The following FOXP2 variants were observed in gnomAD, a reference collection of about 807,000 sequenced individuals.
FOXP2 encodes the protein forkhead box P2.
In FOXP2, 12 loss-of-function variants were observed where a neutral mutation model predicts 115.8. That is an observed-to-expected ratio of 0.10 (90% CI 0.07 to 0.17). The LOEUF (loss-of-function observed/expected upper bound fraction) is 0.17. Among genes scored for constraint, FOXP2 ranks in the 10% least tolerant of loss-of-function variants. FOXP2 has a pLI of 1.00. For synonymous variants in FOXP2, 328 were observed against 297.7 expected (o/e 1.10, Z -1.05); for missense variants, 629 against 843.5 (o/e 0.75, Z 3.15).
chr7:114,329,644 TTTTATTTATTTATTTATTTATTTATTTA>T (rs138684494), intron 2 of FOXP2, among the ~76,000 whole-genome samples: 1 of 147,450 alleles, frequency 6.8e-6, no homozygotes, highest in Non-Finnish European at 1.5e-5. Flanking sequence ...ACTATGTAAG[TTTTATTTATTTATTTATTTATTTATTTA>T]TTTATTTATT....
At chr7:114,643,755 T>A (rs375951351) in intron 7 of FOXP2, among the ~76,000 whole-genome samples, 3 of 152,172 alleles carry the variant, frequency 2.0e-5, no homozygotes, top group African/African-American at 7.2e-5. Context: ...TTTTGAAAGA[T>A]GAAATGTAAG....
chr7:114,685,564 T>C (rs1276973515), intron 16 of FOXP2, among the ~76,000 whole-genome samples: 5 of 152,140 alleles, frequency 3.3e-5, no homozygotes, highest in Non-Finnish European at 7.4e-5. Flanking sequence ...AATAATGGCG[T>C]TATAATGGCC....
chr7:114,338,135 A>G (rs1291921357), intron 2 of FOXP2, among the ~76,000 whole-genome samples: 1 of 151,086 alleles, frequency 6.6e-6, no homozygotes, highest in Admixed American at 6.6e-5. Context: ...TAGTTTTATT[A>G]TATTTTCAAT....
intron 2 of FOXP2, among the ~76,000 whole-genome samples, chr7:114,350,998 G>A (rs934333626): frequency 1.3e-5 from 2 of 152,106 alleles, no homozygotes; most frequent in African/African-American, 4.8e-5. Context: ...TAAATGCAAT[G>A]TAAAAGTTGT....
chr7:114,674,096 AAT>A (rs1277301425), intron 16 of FOXP2, among the ~76,000 whole-genome samples: 6 of 152,386 alleles, frequency 3.9e-5, no homozygotes, highest in Admixed American at 3.3e-4. Context: ...CATCATTAAG[AAT>A]GGAAATACAT....
rs1225582535 is a variant in FOXP2 at position 114,388,395 on chromosome 7, T to TC, written c.-10-38107_-10-38106insC. ...AGTAAGTTGACAAGGAACTTATCTCTTTTTTTTTTTTTAGTCTCTGAGAGT... is the reference window on the plus strand; with the variant it reads ...AGTAAGTTGACAAGGAACTTATCTCTCTTTTTTTTTTTTAGTCTCTGAGAGT... On this transcript the variant is annotated intron_variant, in intron 2 of 17. Coordinates refer to the FOXP2 transcript ENST00000634411. Among the ~76,000 whole-genome samples, 14 of 105,890 alleles carry TC rather than the reference T, an allele frequency of 1.3e-4. No individual in the cohort carries two copies. In the East Asian group the frequency reaches 0.015, roughly 115 times the overall value. 69.5% of individuals were successfully genotyped at this position (105,890 alleles called of 152,430 possible). A position where few individuals can be genotyped will look rare whatever the true frequency, so the allele number is the denominator to read the frequency against.
At chr7:114,648,299 C>T (rs1468778072) in intron 8 of FOXP2, among the ~76,000 whole-genome samples, 1 of 152,034 alleles carries the variant, frequency 6.6e-6, no homozygotes, top group East Asian at 1.9e-4. Context: ...AGGCATCTCA[C>T]ATAATCAACT....
At position 114,359,233 on chromosome 7, in the gene FOXP2, T is replaced by C. The variant is rs79553283; in HGVS notation, c.-10-67269T>C. On this transcript the variant is annotated intron_variant, in intron 2 of 17. Transcript: ENST00000634411. ...AGCCTTGGTAGCTTACATGTGATGC[T>C]GAGCCTGCAAGTGCACAGAAGTTAA... Among the ~76,000 whole-genome samples the C allele has an allele frequency of 3.3e-4, 51 of 152,328 alleles. No homozygotes were observed. The East Asian group carries it at 9.5e-3, about 28-fold the overall frequency.
At chr7:114,470,668 A>T (rs2129230115) in intron 2 of FOXP2, among the ~76,000 whole-genome samples, 1 of 152,244 alleles carries the variant, frequency 6.6e-6, no homozygotes, top group East Asian at 1.9e-4. Context: ...CAGTTATGAC[A>T]CTTTTCTTCC....
intron 2 of FOXP2, among the ~76,000 whole-genome samples, chr7:114,442,606 T>C (rs1794655308): frequency 6.6e-6 from 1 of 152,004 alleles, no homozygotes; most frequent in African/African-American, 2.4e-5. Flanking sequence ...TACAGGCACA[T>C]GCCATCATGC....
At chr7:114,324,517 G>A (rs1179370385) in intron 2 of FOXP2, among the ~76,000 whole-genome samples, 1 of 151,626 alleles carries the variant, frequency 6.6e-6, no homozygotes, top group Admixed American at 6.6e-5. Context: ...CTGATATTGA[G>A]GTTTTTTTCT....
At chr7:114,649,741 C>T (rs774600146) in intron 8 of FOXP2, among the ~76,000 whole-genome samples, 17 of 151,932 alleles carry the variant, frequency 1.1e-4, no homozygotes, top group Admixed American at 2.0e-4. Context: ...TAAACAATAG[C>T]GAGGAAAGGA....
intron 1 of FOXP2, among the ~76,000 whole-genome samples, chr7:114,111,308 T>A (rs1333299347): frequency 6.6e-6 from 1 of 152,120 alleles, no homozygotes; most frequent in Non-Finnish European, 1.5e-5. Context: ...CAGGAAGCCT[T>A]GTATAGCCTC....
intron 2 of FOXP2, among the ~76,000 whole-genome samples, chr7:114,307,809 G>T (rs1011939246): frequency 6.6e-6 from 1 of 152,186 alleles, no homozygotes; most frequent in Non-Finnish European, 1.5e-5. Flanking sequence ...AGTTGCCAAA[G>T]ATGGCATCAG....
At chr7:114,582,877 C>T (rs1801940149) in intron 3 of FOXP2, among the ~76,000 whole-genome samples, 3 of 152,018 alleles carry the variant, frequency 2.0e-5, no homozygotes, top group South Asian at 2.1e-4. Context: ...CTGAATCTGC[C>T]CTTAGACATA....
chr7:114,214,421 C>T (rs578117415), intron 1 of FOXP2, among the ~76,000 whole-genome samples: 59 of 152,234 alleles, frequency 3.9e-4, no homozygotes, highest in African/African-American at 1.2e-3. Flanking sequence ...CAAACCAAAG[C>T]CTATCTGCAA....
intron 2 of FOXP2, among the ~76,000 whole-genome samples, chr7:114,505,170 C>A (rs1797748425): frequency 2.0e-5 from 3 of 151,410 alleles, no homozygotes; most frequent in Non-Finnish European, 4.4e-5. Context: ...ATTAATTAAA[C>A]AAGTTATTCA....
chr7:114,618,989 T>C (rs1222957258), intron 3 of FOXP2, among the ~76,000 whole-genome samples: 4 of 152,164 alleles, frequency 2.6e-5, no homozygotes, highest in African/African-American at 7.2e-5. Context: ...ATGGATATAC[T>C]TACCCTTATT....
chr7:114,545,847 G>T (rs1015765696), intron 3 of FOXP2, among the ~76,000 whole-genome samples: 11 of 151,964 alleles, frequency 7.2e-5, no homozygotes. Flanking sequence ...CAACTACTTG[G>T]TGAAGTCTCC....
Sources: gnomAD v4.1 joint callset for allele counts (sites outside exome capture counted in the v4.1 genomes callset) on GRCh38, gnomAD v4.1.1 for gene constraint, MANE v1.5 for transcripts, NCBI Gene and HGNC (gene_info 2026-07-23, HGNC 2026-07-21) for gene names.